Variants in NLGN1 observed in about 807,000 individuals in gnomAD.
NLGN1 encodes the protein neuroligin-1.
In NLGN1, 12 loss-of-function variants were observed where a neutral mutation model predicts 65.5. That is an observed-to-expected ratio of 0.18 (90% confidence interval 0.12 to 0.30). NLGN1 has a LOEUF of 0.30. Ranked by LOEUF, NLGN1 falls within the 10% of genes least tolerant of loss-of-function variation. NLGN1 has a pLI of 1.00. For missense variants in NLGN1, 750 were observed against 1,007.1 expected, an observed-to-expected ratio of 0.74 and a Z score of 3.46; for synonymous variants, 350 against 359.5, an observed-to-expected ratio of 0.97 and a Z score of 0.30.
At chr3:173,730,552 G>A (rs1410548525) in intron 3 of NLGN1, among the ~76,000 whole-genome samples, 2 of 151,924 alleles carry the variant, frequency 1.3e-5, no homozygotes, top group African/African-American at 4.8e-5. Context: ...ACTCATTTCA[G>A]ACTAACCACA....
chr3:173,613,959 C>G (rs1398512844), intron 3 of NLGN1, among the ~76,000 whole-genome samples: 1 of 149,278 alleles, frequency 6.7e-6, no homozygotes, highest in Non-Finnish European at 1.5e-5. Flanking sequence ...AGGAGGGAGT[C>G]TTCACTTTCC....
chr3:173,626,668 T>C (rs1754868980), intron 3 of NLGN1, among the ~76,000 whole-genome samples: 1 of 152,114 alleles, frequency 6.6e-6, no homozygotes, highest in East Asian at 1.9e-4. Context: ...TTCCCAGTGA[T>C]ATAGACCAGT....
At chr3:173,626,122 G>A (rs1288422063) in intron 3 of NLGN1, among the ~76,000 whole-genome samples, 1 of 151,962 alleles carries the variant, frequency 6.6e-6, no homozygotes, top group Non-Finnish European at 1.5e-5. Context: ...CAATACAGTA[G>A]CGTCTAGCTC....
chr3:174,225,782 G>A (rs1243962784), intron 4 of NLGN1, among the ~76,000 whole-genome samples: 1 of 152,026 alleles, frequency 6.6e-6, no homozygotes, highest in Non-Finnish European at 1.5e-5. Flanking sequence ...ATGCTAAGGG[G>A]GAGGAAAAAT....
chr3:174,029,778 A>G (rs1729571962), intron 4 of NLGN1, among the ~76,000 whole-genome samples: 1 of 152,156 alleles, frequency 6.6e-6, no homozygotes. Flanking sequence ...TTCTCATAGT[A>G]GTGAATGAGT....
intron 4 of NLGN1, among the ~76,000 whole-genome samples, chr3:173,927,978 C>T (rs1743331848): frequency 6.6e-6 from 1 of 152,108 alleles, no homozygotes; most frequent in South Asian, 2.1e-4. Flanking sequence ...TGTAGAACAC[C>T]CCTCTGAGTA....
intron 4 of NLGN1, among the ~76,000 whole-genome samples, chr3:174,039,686 A>G (rs926774760): frequency 3.9e-5 from 6 of 152,160 alleles, no homozygotes; most frequent in Admixed American, 1.3e-4. Context: ...TACGCCTGAA[A>G]AGTGAAAATA....
At chr3:173,715,640 T>C (rs1006059225) in intron 3 of NLGN1, among the ~76,000 whole-genome samples, 1 of 152,192 alleles carries the variant, frequency 6.6e-6, no homozygotes, top group Non-Finnish European at 1.5e-5. Context: ...TTGAATGGTG[T>C]ATAGAACTTA....
chr3:173,510,980 C>T (rs556705817), intron 2 of NLGN1, among the ~76,000 whole-genome samples: 19 of 152,230 alleles, frequency 1.2e-4, no homozygotes, highest in African/African-American at 3.6e-4. Context: ...AATTCTAGCA[C>T]GGACAAATGT....
rs977566809 is a variant in NLGN1, at chr3:173,526,673, A to G, written c.-320-77606A>G. On this transcript the variant is annotated intron_variant, in intron 2 of 6. Coordinates refer to ENST00000457714, the Ensembl canonical transcript of NLGN1. ...GTATTTTTGACTGTTGTCACCCGCT[A>G]TGTTAGAAAATATTAGGTCTTATTC... Among the ~76,000 whole-genome samples, 7 of 152,272 alleles carry G rather than the reference A, an allele frequency of 4.6e-5. No individual in the cohort carries two copies. The South Asian group carries it at 6.2e-4, about 14-fold the overall frequency.
chr3:173,477,858 A>C (rs1024976136), intron 2 of NLGN1, among the ~76,000 whole-genome samples: 1 of 152,156 alleles, frequency 6.6e-6, no homozygotes, highest in Non-Finnish European at 1.5e-5. Flanking sequence ...GTGAGATACC[A>C]TCTCACACCA....
At chr3:173,779,047 G>T (rs2150309721) in intron 3 of NLGN1, among the ~76,000 whole-genome samples, 1 of 151,392 alleles carries the variant, frequency 6.6e-6, no homozygotes, top group East Asian at 1.9e-4. Context: ...ATACTTTAAA[G>T]AATAAGAACA....
chr3:173,807,723 C>A (rs1231019087), exon 4 of NLGN1: 1 of 1,613,574 alleles, frequency 6.2e-7, no homozygotes, highest in Non-Finnish European at 8.5e-7. Flanking sequence ...TGGTGTATAT[C>A]CATGGTGGCT....
chr3:173,500,096 G>A (rs1427215310), intron 2 of NLGN1, among the ~76,000 whole-genome samples: 1 of 152,110 alleles, frequency 6.6e-6, no homozygotes, highest in East Asian at 1.9e-4. Flanking sequence ...ATGTTGAATA[G>A]GAGTGGTAAG....
At chr3:173,873,633 A>G (rs533426815) in intron 4 of NLGN1, among the ~76,000 whole-genome samples, 17 of 152,290 alleles carry the variant, frequency 1.1e-4, no homozygotes, top group African/African-American at 4.1e-4. Flanking sequence ...TGGTTTATGC[A>G]TTTTGCATAC....
intron 4 of NLGN1, among the ~76,000 whole-genome samples, chr3:173,883,453 G>A (rs1733718806): frequency 6.6e-6 from 1 of 152,138 alleles, no homozygotes; most frequent in African/African-American, 2.4e-5. Context: ...AAAGCTTGAA[G>A]TATTGCACTG....
At chr3:173,685,425 A>G (rs1764543671) in intron 3 of NLGN1, among the ~76,000 whole-genome samples, 1 of 152,162 alleles carries the variant, frequency 6.6e-6, no homozygotes, top group Admixed American at 6.6e-5. Flanking sequence ...AATAATTTGA[A>G]CTGTCCTAAA....
At chr3:174,061,355 T>C (rs1737376295) in intron 4 of NLGN1, among the ~76,000 whole-genome samples, 3 of 152,074 alleles carry the variant, frequency 2.0e-5, no homozygotes, top group Admixed American at 1.3e-4. Context: ...TTCTTCTTGA[T>C]TTGTGGGGAT....
chr3:173,407,943 T>G (rs1711610515), intron 1 of NLGN1, among the ~76,000 whole-genome samples: 2 of 152,216 alleles, frequency 1.3e-5, no homozygotes, highest in African/African-American at 4.8e-5. Flanking sequence ...TTGCGTCCAC[T>G]AAAAATAAAT....
Sources: gnomAD v4.1 joint callset for allele counts (sites outside exome capture counted in the v4.1 genomes callset) on GRCh38, gnomAD v4.1.1 for gene constraint, MANE v1.5 for transcripts, NCBI Gene and HGNC (gene_info 2026-07-23, HGNC 2026-07-21) for gene names.